Variants in NRXN3 observed in about 807,000 individuals in gnomAD.
NRXN3 encodes neurexin 3.
NRXN3 carries 32 observed loss-of-function variants against 137.6 expected under a neutral mutation model. That is an observed-to-expected ratio of 0.23 (90% CI 0.18 to 0.31). The LOEUF (loss-of-function observed/expected upper bound fraction) is 0.31. Ranked by LOEUF, NRXN3 falls within the 10% of genes least tolerant of loss-of-function variation. NRXN3 has a pLI of 1.00. For missense variants in NRXN3, 1,574 were observed against 2,062.5 expected (o/e 0.76, Z 4.59); for synonymous variants, 798 against 784.5 (o/e 1.02, Z -0.29).
intron 16 of NRXN3, among the ~76,000 whole-genome samples, chr14:79,513,545 C>T (rs550263624): frequency 1.6e-4 from 25 of 152,322 alleles, no homozygotes; most frequent in South Asian, 8.3e-4. Flanking sequence ...ATGACACATT[C>T]CATTAATACA....
At chr14:79,745,267 G>T (rs2098976152) in intron 19 of NRXN3, among the ~76,000 whole-genome samples, 1 of 152,038 alleles carries the variant, frequency 6.6e-6, no homozygotes, top group Non-Finnish European at 1.5e-5. Context: ...TATTCTGTAT[G>T]CAAGACCTTC....
chr14:79,470,731 G>A (rs944488096), intron 16 of NRXN3, among the ~76,000 whole-genome samples: 12 of 152,168 alleles, frequency 7.9e-5, no homozygotes, highest in African/African-American at 2.7e-4. Context: ...CTTTGAATAT[G>A]AGTGTTCTTT....
intron 14 of NRXN3, among the ~76,000 whole-genome samples, chr14:78,980,070 A>T (rs2099485550): frequency 6.6e-6 from 1 of 152,206 alleles, no homozygotes; most frequent in Non-Finnish European, 1.5e-5. Context: ...GTTAACACGG[A>T]ATTCTACTAT....
At chr14:79,249,871 T>G (rs1302689383) in intron 15 of NRXN3, among the ~76,000 whole-genome samples, 1 of 152,228 alleles carries the variant, frequency 6.6e-6, no homozygotes, top group Non-Finnish European at 1.5e-5. Flanking sequence ...TCTTTGACTA[T>G]AAAAATGTTT....
chr14:78,927,081 G>A (rs538247372), intron 10 of NRXN3, among the ~76,000 whole-genome samples: 54 of 129,016 alleles, frequency 4.2e-4, no homozygotes, highest in Non-Finnish European at 6.8e-4. Flanking sequence ...CTTGAGCCCA[G>A]GAGGTTGAGG....
intron 13 of NRXN3, among the ~76,000 whole-genome samples, chr14:78,967,849 A>G (rs1329131143): frequency 6.6e-6 from 1 of 152,078 alleles, no homozygotes; most frequent in African/African-American, 2.4e-5. Flanking sequence ...ATGTCTGTAT[A>G]TCCCTCAGCA....
intron 15 of NRXN3, among the ~76,000 whole-genome samples, chr14:79,253,461 AG>A (rs1369829229): frequency 1.3e-5 from 2 of 152,206 alleles, no homozygotes; most frequent in African/African-American, 4.8e-5. Flanking sequence ...GAAAATAACT[AG>A]GGAGGGACAT....
chr14:79,442,608 T>C (rs538857154), intron 15 of NRXN3, among the ~76,000 whole-genome samples: 70 of 152,290 alleles, frequency 4.6e-4, no homozygotes, highest in African/African-American at 1.6e-3. Flanking sequence ...ATATTACAGA[T>C]ACCAGAAGGA....
intron 6 of NRXN3, among the ~76,000 whole-genome samples, chr14:78,659,447 G>A (rs1045551433): frequency 1.3e-5 from 2 of 152,104 alleles, no homozygotes; most frequent in African/African-American, 4.8e-5. Flanking sequence ...AGGAGGCTGA[G>A]GTGGGAGGAT....
At chr14:79,563,021 C>T (rs1602148187) in intron 16 of NRXN3, among the ~76,000 whole-genome samples, 1 of 152,074 alleles carries the variant, frequency 6.6e-6, no homozygotes. Flanking sequence ...AAACATATAA[C>T]CCACCCCCAA....
chr14:78,532,292 G>T lies in NRXN3; in HGVS notation c.758-112828G>T, dbSNP rs544967874. On this transcript the variant is annotated intron_variant, in intron 4 of 20. Coordinates refer to ENST00000335750, the MANE Select transcript of NRXN3 (RefSeq NM_001330195.2). ...GCCAAGATCGCGCCATTGCACTCCAGCCTGGGCAATAAGAGCGAAACTCCA... is the reference window on the plus strand; with the variant it reads ...GCCAAGATCGCGCCATTGCACTCCATCCTGGGCAATAAGAGCGAAACTCCA... Among the ~76,000 whole-genome samples the T allele has an allele frequency of 2.0e-5, 3 of 150,362 alleles. No homozygotes were observed. In the East Asian group the frequency reaches 5.9e-4, roughly 29 times the overall value.
chr14:79,318,241 C>G (rs1262328499), intron 15 of NRXN3, among the ~76,000 whole-genome samples: 1 of 152,188 alleles, frequency 6.6e-6, no homozygotes, highest in African/African-American at 2.4e-5. Flanking sequence ...AAATTTATAT[C>G]TCAAAAGGAA....
rs57798376 is a variant in NRXN3 at position 79,509,575 on chromosome 14, A to G, written c.3444+42173A>G. Among the ~76,000 whole-genome samples the G allele has an allele frequency of 7.3e-4, 111 of 151,232 alleles. No individual in the cohort carries two copies. In the Middle Eastern group the frequency reaches 0.01, roughly 14 times the overall value. On this transcript the variant is annotated intron_variant, in intron 16 of 20. Coordinates refer to ENST00000335750, the MANE Select transcript of NRXN3 (RefSeq NM_001330195.2). Reference sequence around the variant, plus strand: ...TGTGTGTGCATGTATGTATATATATATGTGTGTATATATGTATATATGTGT... The same window carrying G: ...TGTGTGTGCATGTATGTATATATATGTGTGTGTATATATGTATATATGTGT...
At chr14:78,801,221 T>C (rs2098837799) in intron 8 of NRXN3, among the ~76,000 whole-genome samples, 1 of 152,086 alleles carries the variant, frequency 6.6e-6, no homozygotes, top group South Asian at 2.1e-4. Context: ...CTTGCAAGGC[T>C]GAAGCAAGAG....
chr14:78,888,984 A>G (rs372730934), intron 10 of NRXN3, among the ~76,000 whole-genome samples: 4 of 152,058 alleles, frequency 2.6e-5, no homozygotes, highest in Non-Finnish European at 5.9e-5. Flanking sequence ...TCTCATCTAT[A>G]AGATGGGAGA....
intron 7 of NRXN3, among the ~76,000 whole-genome samples, chr14:78,713,106 C>A (rs533631807): frequency 6.6e-6 from 1 of 152,208 alleles, no homozygotes; most frequent in East Asian, 1.9e-4. Context: ...TTTTCCAGTT[C>A]GGGAAATTGA....
At chr14:78,697,945 C>T (rs1205552363) in intron 6 of NRXN3, 1 of 151,980 alleles carries the variant, frequency 6.6e-6, no homozygotes, top group Non-Finnish European at 1.5e-5. Context: ...CTTCATTAGG[C>T]TAGAAGCAGA....
intron 4 of NRXN3, among the ~76,000 whole-genome samples, chr14:78,488,424 T>G (rs370509769): frequency 1.3e-5 from 2 of 152,316 alleles, no homozygotes; most frequent in South Asian, 2.1e-4. Flanking sequence ...TTCTAGAGAT[T>G]GCTTTAGAAG....
At chr14:78,577,548 C>T (rs768947271) in intron 4 of NRXN3, among the ~76,000 whole-genome samples, 13 of 152,058 alleles carry the variant, frequency 8.5e-5, no homozygotes, top group Middle Eastern at 3.2e-3. Context: ...TCACTACAAC[C>T]GCCACCTCCC....
Sources: gnomAD v4.1 joint callset for allele counts (sites outside exome capture counted in the v4.1 genomes callset) on GRCh38, gnomAD v4.1.1 for gene constraint, MANE v1.5 for transcripts, NCBI Gene and HGNC (gene_info 2026-07-23, HGNC 2026-07-21) for gene names.